The following MYPN variants were observed in gnomAD, a reference collection of about 807,000 sequenced individuals.
The protein encoded by MYPN is myopalladin.
Under a neutral mutation model 129.4 loss-of-function variants are expected in MYPN, and 63 were observed. That is an observed-to-expected ratio of 0.49 (90% CI 0.40 to 0.60). The LOEUF (loss-of-function observed/expected upper bound fraction) is 0.60, where lower values mean the gene tolerates loss of function less well. MYPN is among the 20% of genes least tolerant of loss of function. The pLI, the probability that MYPN is intolerant of heterozygous loss-of-function variation, is 0.00. For missense variants in MYPN, 1,596 were observed against 1,635.4 expected (o/e 0.98, Z 0.42); for synonymous variants, 629 against 600.9 (o/e 1.05, Z -0.68).
At chr10:68,204,033 C>A (rs531803507) in intron 18 of MYPN, among the ~76,000 whole-genome samples, 2 of 152,198 alleles carry the variant, frequency 1.3e-5, no homozygotes, top group African/African-American at 2.4e-5. Flanking sequence ...ATACTCACCT[C>A]AAACATCATC....
chr10:68,141,693 A>G (rs2042581347), intron 2 of MYPN, among the ~76,000 whole-genome samples: 1 of 152,110 alleles, frequency 6.6e-6, no homozygotes. Flanking sequence ...GCAAATGCAA[A>G]CAACACGAAC....
At chr10:68,128,960 A>G (rs1246387143) in intron 2 of MYPN, among the ~76,000 whole-genome samples, 1 of 152,100 alleles carries the variant, frequency 6.6e-6, no homozygotes, top group East Asian at 1.9e-4. Flanking sequence ...TGAGATAAGC[A>G]TAGAGAGAGA....
chr10:68,113,363 A>G (rs1395722868), intron 1 of MYPN, among the ~76,000 whole-genome samples: 2 of 152,152 alleles, frequency 1.3e-5, no homozygotes, highest in Non-Finnish European at 1.5e-5. Context: ...TTTTTCATGA[A>G]TGTGCTTCCC....
chr10:68,114,468 C>T (rs891309628), intron 1 of MYPN, among the ~76,000 whole-genome samples: 8 of 151,968 alleles, frequency 5.3e-5, no homozygotes, highest in Middle Eastern at 3.4e-3. Flanking sequence ...CCTGTCTCAG[C>T]CTCCCAGGTA....
chr10:68,187,902 C>T (rs1019622235), intron 12 of MYPN, among the ~76,000 whole-genome samples: 9 of 152,066 alleles, frequency 5.9e-5, no homozygotes, highest in African/African-American at 2.2e-4. Flanking sequence ...GGATAAATGA[C>T]AATTAGATGT....
intron 1 of MYPN, among the ~76,000 whole-genome samples, chr10:68,116,777 A>C (rs187432191): frequency 3.6e-4 from 55 of 152,248 alleles, no homozygotes; most frequent in African/African-American, 1.3e-3. Context: ...AAAACAAAGC[A>C]TGATTTCAGT....
intron 12 of MYPN, among the ~76,000 whole-genome samples, chr10:68,187,345 T>C (rs1460642039): frequency 1.3e-5 from 2 of 151,978 alleles, no homozygotes; most frequent in South Asian, 2.1e-4. Context: ...GAAAATTTCA[T>C]AGAAATTTGA....
chr10:68,155,690 G>A lies in MYPN; in HGVS notation c.1318-2796G>A, dbSNP rs183236483. 3.3e-5 allele frequency among the ~76,000 whole-genome samples: 5 copies of A among 152,316 alleles called. No individual in the cohort carries two copies. The East Asian group carries it at 7.7e-4, about 23-fold the overall frequency. ...GGGTAACTGGTTTGGATCCTGATCT[G>A]TGGCAATGTGAGCCAGCTCTTTCTC... On this transcript the variant is annotated intron_variant, in intron 6 of 19. Transcript: ENST00000358913.
chr10:68,139,090 T>C (rs2042532991), intron 2 of MYPN, among the ~76,000 whole-genome samples: 2 of 152,140 alleles, frequency 1.3e-5, no homozygotes, highest in Admixed American at 6.5e-5. Context: ...TTCCTCCTGC[T>C]CCAACATGGA....
chr10:68,168,991 T>TAAAA lies in MYPN; in HGVS notation c.1973+2351_1973+2354dup, dbSNP rs71009012. On this transcript the variant is annotated intron_variant, in intron 10 of 19. Coordinates refer to ENST00000358913, the MANE Select transcript of MYPN (RefSeq NM_032578.4). ...TGGGCGACAGAATGAGATTATTTCT[T>TAAAA]AAAAAAAAAAAAAAAAAAAAAAAAA... Among the ~76,000 whole-genome samples the TAAAA allele has an allele frequency of 5.7e-3, 460 of 80,284 alleles. 19 individuals carry two copies. The highest frequency in any genetic ancestry group is 0.027 in the African/African-American group (432 of 16,050). 52.7% of individuals were successfully genotyped at this position (80,284 alleles called of 152,430 possible).
chr10:68,209,615 G>T (rs532853400), intron 19 of MYPN, among the ~76,000 whole-genome samples: 1 of 146,730 alleles, frequency 6.8e-6, no homozygotes, highest in African/African-American at 2.5e-5. Context: ...GCTGGAAGGG[G>T]ATAAGCTTGA....
upstream of MYPN, among the ~76,000 whole-genome samples, chr10:68,108,757 T>C (rs187658886): frequency 6.6e-6 from 1 of 152,310 alleles, no homozygotes; most frequent in African/African-American, 2.4e-5. Flanking sequence ...AGTTTCGCTC[T>C]GTCCCCCTTG....
chr10:68,093,717 A>G (rs1431578001), intron 1 of MYPN, among the ~76,000 whole-genome samples: 2 of 151,694 alleles, frequency 1.3e-5, no homozygotes. Flanking sequence ...AGATCGCACC[A>G]CTGCACTCCA....
intron 10 of MYPN, among the ~76,000 whole-genome samples, chr10:68,166,962 C>T (rs1490181547): frequency 6.6e-6 from 1 of 152,016 alleles, no homozygotes; most frequent in Non-Finnish European, 1.5e-5. Context: ...TCACTTGAGC[C>T]TAGGAGTTTC....
In MYPN at chr10:68,095,103, G is replaced by A. The variant is rs567919243; in HGVS notation, c.-2+7111G>A. Among the ~76,000 whole-genome samples, 3 of 152,194 alleles carry A rather than the reference G, an allele frequency of 2.0e-5. No individual in the cohort carries two copies. The East Asian group carries it at 5.8e-4, about 29-fold the overall frequency. ...AAGGCACGAGGTCAGGAGCAGTTTG[G>A]GAGGCTGTGGTGGATGGATTGCTTG... On this transcript the variant is annotated intron_variant, in intron 1 of 6. Coordinates refer to the MYPN transcript ENST00000685154.
At chr10:68,130,483 A>C (rs934701840) in intron 2 of MYPN, among the ~76,000 whole-genome samples, 7 of 152,028 alleles carry the variant, frequency 4.6e-5, no homozygotes, top group Admixed American at 2.0e-4. Context: ...AAAAAAAAAA[A>C]CAGCAATATC....
intron 12 of MYPN, among the ~76,000 whole-genome samples, chr10:68,179,941 T>C (rs1247857831): frequency 6.6e-6 from 1 of 152,188 alleles, no homozygotes; most frequent in Non-Finnish European, 1.5e-5. Flanking sequence ...ATAAAGTAAA[T>C]CTGTGCATCT....
chr10:68,148,242 A>G (rs1213677363), intron 4 of MYPN, 111 bp from the exon 5 acceptor site: 3 of 924,002 alleles, frequency 3.2e-6, no homozygotes, highest in Non-Finnish European at 5.1e-6. Flanking sequence ...TCAAACCAAG[A>G]TTTTTATTAC....
rs71578988 is a variant in MYPN at position 68,121,394 on chromosome 10, C to T, written c.-1-44C>T. ...TATAATAGACATAGACTTGTTATTC[C>T]CTAGAAATGATCCAAACTTTTTGTT... On this transcript the variant is annotated intron_variant, in intron 1 of 19. Transcript: ENST00000358913. 3.3e-3 allele frequency: 5,114 copies of T among 1,570,368 alleles called. 117 individuals carry two copies. The African/African-American group carries it at 0.059, about 18-fold the overall frequency.
Sources: gnomAD v4.1 joint callset for allele counts (sites outside exome capture counted in the v4.1 genomes callset) on GRCh38, gnomAD v4.1.1 for gene constraint, MANE v1.5 for transcripts, NCBI Gene and HGNC (gene_info 2026-07-23, HGNC 2026-07-21) for gene names.